Variants in EPHB1 observed in about 807,000 individuals in gnomAD.
EPHB1 encodes ephrin type-B receptor 1.
In EPHB1, 30 loss-of-function variants were observed where a neutral mutation model predicts 94.4. The ratio of observed to expected loss-of-function variants is 0.32; its 90% CI spans 0.24 to 0.43. The LOEUF (loss-of-function observed/expected upper bound fraction) is 0.43, where lower values mean the gene tolerates loss of function less well. Ranked by LOEUF, EPHB1 falls within the 20% of genes least tolerant of loss-of-function variation. The pLI, the probability that EPHB1 is intolerant of heterozygous loss-of-function variation, is 1.00. For synonymous variants in EPHB1, 522 were observed against 489.1 expected, an observed-to-expected ratio of 1.07 and a Z score of -0.89; for missense variants, 1,055 against 1,308.3, an observed-to-expected ratio of 0.81 and a Z score of 2.99.
chr3:135,053,013 ATGTGTGTGTGTG>A (rs369600482), intron 3 of EPHB1, among the ~76,000 whole-genome samples: 7 of 71,690 alleles, frequency 9.8e-5, no homozygotes, highest in Admixed American at 6.2e-4. Flanking sequence ...GTGTATATAT[ATGTGTGTGTGTG>A]TGTATATATA....
intron 3 of EPHB1, among the ~76,000 whole-genome samples, chr3:135,052,171 C>T (rs1937187658): frequency 6.6e-6 from 1 of 152,142 alleles, no homozygotes; most frequent in African/African-American, 2.4e-5. Context: ...TTGGTCAGAG[C>T]AGATATCAAA....
intron 3 of EPHB1, among the ~76,000 whole-genome samples, chr3:134,984,988 A>C (rs144965222): frequency 2.0e-4 from 31 of 152,066 alleles, no homozygotes; most frequent in Middle Eastern, 3.4e-3. Context: ...TGAGTGGGAG[A>C]AGCTGGGCCA....
intron 9 of EPHB1, among the ~76,000 whole-genome samples, chr3:135,169,610 C>A (rs1270167319): frequency 6.6e-6 from 1 of 152,102 alleles, no homozygotes; most frequent in Non-Finnish European, 1.5e-5. Flanking sequence ...TGGCTCAGCA[C>A]ACATACAACA....
intron 1 of EPHB1, among the ~76,000 whole-genome samples, chr3:134,915,577 TAC>T (rs2038548796): frequency 1.3e-5 from 2 of 152,304 alleles, no homozygotes; most frequent in Admixed American, 1.3e-4. Flanking sequence ...TGGTGAGTGT[TAC>T]AGTTCTTAAA....
intron 6 of EPHB1, among the ~76,000 whole-genome samples, chr3:135,155,436 A>T (rs746742741): frequency 7.9e-5 from 12 of 152,060 alleles, no homozygotes; most frequent in Admixed American, 6.5e-5. Context: ...AACCAGCATG[A>T]CTGGAGTGAT....
In EPHB1 at chr3:135,228,634, T is replaced by C. The variant is rs116306587; in HGVS notation, c.2347-12514T>C. 5.1e-3 allele frequency among the ~76,000 whole-genome samples: 777 copies of C among 152,258 alleles called. 7 individuals carry two copies. The highest frequency in any genetic ancestry group is 0.018 in the African/African-American group (740 of 41,538). The stretch of plus-strand genomic sequence containing the variant: ...CTCTGAGGCACTTTAATATTCTTAA[T>C]ATTCTTATCTCTCAACCAACGTTTC... On this transcript the variant is annotated intron_variant, in intron 12 of 15. Coordinates refer to ENST00000398015, the MANE Select transcript of EPHB1 (RefSeq NM_004441.5).
At chr3:135,132,666 A>T in intron 4 of EPHB1, 48 bp from the exon 5 acceptor site, 1 of 1,490,606 alleles carries the variant, frequency 6.7e-7, no homozygotes, top group Non-Finnish European at 9.0e-7. Flanking sequence ...GCTGCCGGAC[A>T]AGGAAGCTTA....
chr3:134,989,487 A>C lies in EPHB1; in HGVS notation c.805+37435A>C, dbSNP rs553873697. ...TTTCAATACACACGCCTGCACACGC[A>C]CGCGCGCGTGCACACACACACACAC... On this transcript the variant is annotated intron_variant, in intron 3 of 15. Transcript: ENST00000398015. Among the ~76,000 whole-genome samples the C allele has an allele frequency of 3.0e-4, 38 of 127,390 alleles. No individual in the cohort carries two copies. In the South Asian group the frequency reaches 9.3e-3, roughly 31 times the overall value. The allele number at this position is 127,390 out of a possible 152,430, so 83.6% of individuals were successfully genotyped here.
At chr3:135,125,529 G>A (rs951572116) in intron 4 of EPHB1, among the ~76,000 whole-genome samples, 1 of 140,196 alleles carries the variant, frequency 7.1e-6, no homozygotes, top group South Asian at 2.1e-4. Context: ...AAGAGAAGGA[G>A]AGGAAGAGAG....
chr3:135,225,974 A>G (rs1474066498), intron 12 of EPHB1, among the ~76,000 whole-genome samples: 1 of 152,262 alleles, frequency 6.6e-6, no homozygotes, highest in Non-Finnish European at 1.5e-5. Context: ...ATCTTAAAGT[A>G]GATCAAACAA....
chr3:135,049,640 C>T (rs1937108669), intron 3 of EPHB1, among the ~76,000 whole-genome samples: 1 of 152,184 alleles, frequency 6.6e-6, no homozygotes, highest in Admixed American at 6.5e-5. Context: ...GTTGGTTAAC[C>T]ATTTACAGAA....
At position 135,106,433 on chromosome 3, in the gene EPHB1, C is replaced by G. The variant is rs765210592; in HGVS notation, c.806-15C>G. ...ACACTTCCATTAATTATCACATGGT[C>G]TCTTTGTGTTCTAGCTTGCCCTGCA... On this transcript the variant is annotated splice_polypyrimidine_tract_variant and intron_variant, in intron 3 of 15. Transcript: ENST00000398015. 2 of 1,613,816 alleles carry G rather than the reference C, an allele frequency of 1.2e-6. No individual in the cohort carries two copies. Among genetic ancestry groups the G allele is most frequent in the East Asian group, 4.5e-5 (2 of 44,868 alleles).
chr3:135,090,909 G>A (rs545226685), intron 3 of EPHB1, among the ~76,000 whole-genome samples: 4 of 152,162 alleles, frequency 2.6e-5, no homozygotes, highest in Non-Finnish European at 5.9e-5. Context: ...TTATGACTTC[G>A]TGACCTGGGG....
intron 3 of EPHB1, among the ~76,000 whole-genome samples, chr3:135,093,398 A>G (rs570724492): frequency 1.3e-4 from 20 of 152,144 alleles, no homozygotes; most frequent in Admixed American, 6.5e-4. Flanking sequence ...CCTACCTACT[A>G]TTTGAAAAAA....
At position 135,148,423 on chromosome 3, in the gene EPHB1, G is replaced by C. The variant is rs528557387; in HGVS notation, c.1298-5729G>C. On this transcript the variant is annotated intron_variant, in intron 5 of 15. Coordinates refer to ENST00000398015, the MANE Select transcript of EPHB1 (RefSeq NM_004441.5). ...GTCTGGGTTATTAACTTTTGAGATA[G>C]AGTCATGCCACCATCTCAGACCCAG... is the stretch of plus-strand genomic sequence containing the variant. Among the ~76,000 whole-genome samples, 12 of 152,270 alleles carry C rather than the reference G, an allele frequency of 7.9e-5. No individual in the cohort carries two copies. The South Asian group carries it at 2.3e-3, about 29-fold the overall frequency.
Position 134,891,258 on chromosome 3 carries a change from C to A in EPHB1, c.59-34558C>A, listed in dbSNP as rs58982603. 2.6e-5 allele frequency among the ~76,000 whole-genome samples: 4 copies of A among 152,232 alleles called. No homozygotes were observed. The East Asian group carries it at 5.8e-4, about 22-fold the overall frequency. On this transcript the variant is annotated intron_variant, in intron 1 of 15. Transcript: ENST00000398015. ...CAGAGTAGCTGAGACTATAGGCATG[C>A]GCCACCATGCCCAGCTAATTTTTGT...
At chr3:134,897,056 G>A (rs2038098952) in intron 1 of EPHB1, among the ~76,000 whole-genome samples, 1 of 152,246 alleles carries the variant, frequency 6.6e-6, no homozygotes, top group African/African-American at 2.4e-5. Context: ...TTTCTGAAAA[G>A]CAGAGGGCAG....
In EPHB1 at chr3:134,926,005, G is replaced by C. The variant is rs896692299; in HGVS notation, c.123+125G>C. On this transcript the variant is annotated intron_variant, in intron 2 of 15. Transcript: ENST00000398015. The stretch of plus-strand genomic sequence containing the variant: ...ATGGAATACAGGTGTGAATGGCTGT[G>C]TCCACTGCCCATCCATGCAAAGACA... The C allele has an allele frequency of 4.5e-5, 35 of 776,362 alleles. No individual in the cohort carries two copies. The African/African-American group carries it at 5.2e-4, about 12-fold the overall frequency. 48.1% of individuals were successfully genotyped at this position (776,362 alleles called of 1,614,324 possible).
intron 1 of EPHB1, among the ~76,000 whole-genome samples, chr3:134,891,034 C>T (rs6767047): frequency 0.011 from 1,751 of 152,276 alleles, 31 homozygotes; most frequent in African/African-American, 0.036. Flanking sequence ...CATCTAATAT[C>T]CTAGGCTAAT....
Sources: gnomAD v4.1 joint callset for allele counts (sites outside exome capture counted in the v4.1 genomes callset) on GRCh38, gnomAD v4.1.1 for gene constraint, MANE v1.5 for transcripts, NCBI Gene and HGNC (gene_info 2026-07-23, HGNC 2026-07-21) for gene names.